The following PLA1A variants were observed in gnomAD, a reference collection of about 807,000 sequenced individuals.
PLA1A encodes the protein phospholipase A1 member A.
In PLA1A, 47 loss-of-function variants were observed where a neutral mutation model predicts 49.4. That is an observed-to-expected ratio of 0.95 (90% CI 0.75 to 1.21). PLA1A has a LOEUF of 1.21. PLA1A is among the 50% of genes most tolerant of loss of function. PLA1A has a pLI of 0.00. For missense variants in PLA1A, 561 were observed against 563.9 expected (o/e 0.99, Z 0.05); for synonymous variants, 224 against 207.9 (o/e 1.08, Z -0.67).
chr3:119,605,733 G>T (rs1229802248), intron 1 of PLA1A, among the ~76,000 whole-genome samples: 1 of 152,226 alleles, frequency 6.6e-6, no homozygotes, highest in East Asian at 1.9e-4. Context: ...GGGGTGTGAT[G>T]CTGGGTGCTG....
intron 1 of PLA1A, among the ~76,000 whole-genome samples, chr3:119,602,434 T>C (rs550859175): frequency 4.2e-4 from 64 of 152,234 alleles, no homozygotes; most frequent in Non-Finnish European, 8.4e-4. Context: ...ATTTTCAGTT[T>C]TGGGGTGGAT....
Position 119,598,784 on chromosome 3 carries a change from C to T in PLA1A, c.73+798C>T, listed in dbSNP as rs372141511. 6.6e-5 allele frequency among the ~76,000 whole-genome samples: 10 copies of T among 152,290 alleles called. No individual in the cohort carries two copies. In the South Asian group the frequency reaches 2.1e-3, roughly 32 times the overall value. On this transcript the variant is annotated intron_variant, in intron 1 of 10. Coordinates refer to ENST00000273371, the MANE Select transcript of PLA1A (RefSeq NM_015900.4). The stretch of plus-strand genomic sequence containing the variant: ...CATCACCTTTGGATTGATTTCTGTT[C>T]TTTGCATCTTTCAAGGGGGCTTCTG...
intron 4 of PLA1A, among the ~76,000 whole-genome samples, chr3:119,612,288 G>A (rs2629398): frequency 2.0e-5 from 3 of 152,156 alleles, no homozygotes; most frequent in Non-Finnish European, 4.4e-5. Flanking sequence ...GGGAAGGGAA[G>A]GGATCCAAAC....
chr3:119,614,361 T>C (rs964153492), intron 5 of PLA1A, among the ~76,000 whole-genome samples: 8 of 152,038 alleles, frequency 5.3e-5, no homozygotes, highest in East Asian at 3.9e-4. Context: ...CCCAGCACTT[T>C]GGGAGGCCAA....
intron 1 of PLA1A, among the ~76,000 whole-genome samples, chr3:119,602,418 A>G (rs1351862523): frequency 1.3e-5 from 2 of 152,216 alleles, no homozygotes; most frequent in East Asian, 1.9e-4. Context: ...CTAGCAAAAT[A>G]TCAGTATTTT....
chr3:119,616,422 C>G (rs1052638265), intron 6 of PLA1A, among the ~76,000 whole-genome samples: 2 of 152,212 alleles, frequency 1.3e-5, no homozygotes, highest in Non-Finnish European at 2.9e-5. Flanking sequence ...TTTACCAACT[C>G]AAACAGTCCT....
chr3:119,619,951 C>T (rs1241076363), intron 8 of PLA1A: 1 of 449,896 alleles, frequency 2.2e-6, no homozygotes, highest in Non-Finnish European at 4.3e-6. Flanking sequence ...CGGCTGCCTC[C>T]TTTCTGCACT....
At chr3:119,612,645 C>T (rs541787577) in intron 4 of PLA1A, among the ~76,000 whole-genome samples, 17 of 152,274 alleles carry the variant, frequency 1.1e-4, no homozygotes, top group African/African-American at 3.4e-4. Context: ...CCCGCCACTA[C>T]GCCCAGCTGA....
At chr3:119,605,189 A>C (rs924720679) in intron 1 of PLA1A, among the ~76,000 whole-genome samples, 1 of 152,240 alleles carries the variant, frequency 6.6e-6, no homozygotes, top group East Asian at 1.9e-4. Context: ...GTGGGAGTTC[A>C]AGCCACAGGC....
chr3:119,624,923 G>A (rs773333007), intron 8 of PLA1A, among the ~76,000 whole-genome samples: 4 of 152,180 alleles, frequency 2.6e-5, no homozygotes, highest in South Asian at 2.1e-4. Context: ...GAACCACTGC[G>A]CCCAGCCAAG....
intron 2 of PLA1A, among the ~76,000 whole-genome samples, chr3:119,607,543 T>C (rs957732986): frequency 2.6e-5 from 4 of 152,182 alleles, no homozygotes; most frequent in Non-Finnish European, 5.9e-5. Flanking sequence ...GGAGAGAATA[T>C]GGTAAAGTAA....
chr3:119,628,772 A>AACAGGCAG lies in PLA1A; in HGVS notation c.1194_1195insCAGGCAGA (p.Phe399GlnfsTer44). On this transcript the variant is annotated frameshift_variant, in exon 10 of 11. Coordinates refer to ENST00000273371, the MANE Select transcript of PLA1A (RefSeq NM_015900.4). LOFTEE classifies it high-confidence loss of function. Reference sequence around the variant, plus strand: ...CCACAATGCCAGATAAACCAAGTGAAATTCAAGTTTCAGTCTTCCAACCGA... The same window carrying AACAGGCAG: ...CCACAATGCCAGATAAACCAAGTGAAACAGGCAGATTCAAGTTTCAGTCTTCCAACCGA... 1 of 1,614,120 alleles carries AACAGGCAG rather than the reference A, an allele frequency of 6.2e-7. No homozygotes were observed. Among genetic ancestry groups the AACAGGCAG allele is most frequent in the Non-Finnish European group, 8.5e-7 (1 of 1,179,946 alleles).
intron 1 of PLA1A, among the ~76,000 whole-genome samples, chr3:119,602,194 T>A (rs1315555813): frequency 6.6e-6 from 1 of 152,246 alleles, no homozygotes; most frequent in Non-Finnish European, 1.5e-5. Flanking sequence ...ACTGGAATCC[T>A]GTCTCCCATT....
At chr3:119,629,283 G>C (rs17281751) in intron 10 of PLA1A, 101 bp from the exon 11 acceptor site, 116,662 of 771,248 alleles carry the variant, frequency 0.15, 10,261 homozygotes, top group Middle Eastern at 0.23. Context: ...GTAGGTGATT[G>C]CAGATTTCTT....
chr3:119,615,668 G>A (rs1018735261), intron 5 of PLA1A, among the ~76,000 whole-genome samples: 1 of 152,046 alleles, frequency 6.6e-6, no homozygotes, highest in African/African-American at 2.4e-5. Context: ...ACAAAAACTA[G>A]CCGGGTGTGG....
At chr3:119,613,244 A>C in intron 5 of PLA1A, 126 bp downstream of exon 5, 1 of 604,876 alleles carries the variant, frequency 1.7e-6, no homozygotes, top group Non-Finnish European at 2.9e-6. Context: ...TTGCACAGTG[A>C]AGAGTTTACC....
At chr3:119,608,299 A>G (rs2082721714) in intron 2 of PLA1A, among the ~76,000 whole-genome samples, 2 of 150,574 alleles carry the variant, frequency 1.3e-5, no homozygotes, top group Admixed American at 1.3e-4. Flanking sequence ...AAAGAAAGAA[A>G]AAGAAAATGT....
At position 119,621,243 on chromosome 3, in the gene PLA1A, T is replaced by C. The variant is rs1396679237; in HGVS notation, c.1012+1591T>C. Among the ~76,000 whole-genome samples the C allele has an allele frequency of 2.6e-5, 4 of 152,222 alleles. No homozygotes were observed. The East Asian group carries it at 7.7e-4, about 29-fold the overall frequency. On this transcript the variant is annotated intron_variant, in intron 8 of 10. Transcript: ENST00000273371. Reference sequence around the variant, plus strand: ...ACTAACAGCATGTTAAGGTCCCTGCTGAGGGGGTTCACAGGGCCATGTTTT... The same window carrying C: ...ACTAACAGCATGTTAAGGTCCCTGCCGAGGGGGTTCACAGGGCCATGTTTT...
At chr3:119,624,878 G>A (rs879051713) in intron 8 of PLA1A, among the ~76,000 whole-genome samples, 10 of 152,256 alleles carry the variant, frequency 6.6e-5, no homozygotes, top group East Asian at 1.9e-4. Context: ...TGATCCACTC[G>A]CCTCGGCCTC....
Sources: allele counts gnomAD v4.1 joint callset (sites outside exome capture counted in the v4.1 genomes callset), GRCh38; gene constraint gnomAD v4.1.1; transcripts MANE v1.5; gene names NCBI Gene and HGNC (gene_info 2026-07-23, HGNC 2026-07-21).